Variants in CCDC192 observed in about 807,000 individuals in gnomAD.
CCDC192 encodes the protein coiled-coil domain containing 192.
intron 3 of CCDC192, among the ~76,000 whole-genome samples, chr5:127,782,710 G>T (rs1433335463): frequency 6.6e-6 from 1 of 151,820 alleles, no homozygotes; most frequent in Non-Finnish European, 1.5e-5. Flanking sequence ...TCTTTTCTTG[G>T]TTAATCTTGC....
chr5:127,934,967 C>G (rs1754147981), intron 6 of CCDC192, among the ~76,000 whole-genome samples: 1 of 152,166 alleles, frequency 6.6e-6, no homozygotes, highest in Non-Finnish European at 1.5e-5. Context: ...ATCCAAACAG[C>G]AATCCTGGGT....
chr5:127,809,634 A>G (rs888679068), intron 5 of CCDC192, among the ~76,000 whole-genome samples: 17 of 152,314 alleles, frequency 1.1e-4, no homozygotes, highest in Middle Eastern at 3.4e-3. Context: ...TAACATGTAA[A>G]TAGTTAATCT....
At chr5:127,734,698 T>A (rs1166186479) in intron 2 of CCDC192, among the ~76,000 whole-genome samples, 1 of 147,520 alleles carries the variant, frequency 6.8e-6, no homozygotes. Flanking sequence ...CATTTTTTCA[T>A]GTGTTTTTTG....
intron 5 of CCDC192, among the ~76,000 whole-genome samples, chr5:127,858,678 G>A (rs1468209349): frequency 6.6e-6 from 1 of 152,122 alleles, no homozygotes; most frequent in Non-Finnish European, 1.5e-5. Flanking sequence ...TTCATACATC[G>A]CTGCATGAGG....
At chr5:127,704,753 G>A (rs1170334497) in intron 1 of CCDC192, among the ~76,000 whole-genome samples, 15 of 151,940 alleles carry the variant, frequency 9.9e-5, no homozygotes, top group Admixed American at 9.8e-4. Flanking sequence ...CCAGAACAAA[G>A]CAGCTAAAGA....
intron 2 of CCDC192, among the ~76,000 whole-genome samples, chr5:127,723,917 A>G (rs759093111): frequency 6.6e-5 from 10 of 152,266 alleles, no homozygotes; most frequent in Non-Finnish European, 1.0e-4. Flanking sequence ...ATCAGATATC[A>G]GAGTCCATTG....
At position 127,782,997 on chromosome 5, in the gene CCDC192, GTTT is replaced by G. The variant is rs576250474; in HGVS notation, c.223-14092_223-14090del. On this transcript the variant is annotated intron_variant, in intron 3 of 6. Transcript: ENST00000514853. Reference sequence around the variant, plus strand: ...GCCTTTGCTGTATCTTAGAGGTGGGGTTTTTTTTTTTTTTTTAAGACGGAGTTT... The same window carrying G: ...GCCTTTGCTGTATCTTAGAGGTGGGGTTTTTTTTTTTTTAAGACGGAGTTT... Among the ~76,000 whole-genome samples the G allele has an allele frequency of 1.6e-3, 218 of 138,798 alleles. 1 individual carries two copies. The highest frequency in any genetic ancestry group is 5.5e-3 in the African/African-American group (210 of 37,938). The allele number at this position is 138,798 out of a possible 152,430, so 91.1% of individuals were successfully genotyped here. A position where few individuals can be genotyped will look rare whatever the true frequency, so the allele number is the denominator to read the frequency against.
At chr5:127,713,997 C>T (rs1751480516) in intron 2 of CCDC192, among the ~76,000 whole-genome samples, 1 of 152,158 alleles carries the variant, frequency 6.6e-6, no homozygotes, top group Non-Finnish European at 1.5e-5. Context: ...CCACCATCTC[C>T]CTAATCTTCT....
intron 2 of CCDC192, among the ~76,000 whole-genome samples, chr5:127,734,724 T>A (rs1752867040): frequency 6.7e-6 from 1 of 149,472 alleles, no homozygotes; most frequent in Non-Finnish European, 1.5e-5. Context: ...ATAAATGTCT[T>A]CTTTTGAGAA....
intron 3 of CCDC192, among the ~76,000 whole-genome samples, chr5:127,787,212 A>G (rs559421348): frequency 1.1e-4 from 17 of 152,202 alleles, no homozygotes; most frequent in Non-Finnish European, 2.2e-4. Flanking sequence ...TCACATCTCC[A>G]TGGTACCCAA....
At chr5:127,925,995 G>T (rs921104781) in intron 6 of CCDC192, among the ~76,000 whole-genome samples, 2 of 152,172 alleles carry the variant, frequency 1.3e-5, no homozygotes, top group African/African-American at 4.8e-5. Context: ...GATTCACAGA[G>T]ACTCCAGTTC....
At chr5:127,756,711 G>A (rs1754621143) in intron 3 of CCDC192, among the ~76,000 whole-genome samples, 1 of 152,232 alleles carries the variant, frequency 6.6e-6, no homozygotes, top group Admixed American at 6.5e-5. Context: ...GGGCAGATTG[G>A]ACCCCAGGCA....
intron 3 of CCDC192, among the ~76,000 whole-genome samples, chr5:127,761,002 C>T (rs1271857853): frequency 2.0e-5 from 3 of 152,108 alleles, no homozygotes; most frequent in African/African-American, 4.8e-5. Context: ...CAAGAGGAGG[C>T]AAAAACGCAA....
chr5:127,771,090 A>G (rs1351978984), intron 3 of CCDC192, among the ~76,000 whole-genome samples: 1 of 152,196 alleles, frequency 6.6e-6, no homozygotes, highest in Non-Finnish European at 1.5e-5. Context: ...TATATGATCT[A>G]ATAGAGTCTT....
intron 5 of CCDC192, among the ~76,000 whole-genome samples, chr5:127,838,025 T>A (rs1038780502): frequency 2.6e-5 from 4 of 152,160 alleles, no homozygotes; most frequent in African/African-American, 9.7e-5. Flanking sequence ...CCAGATTCCA[T>A]AACATAGATT....
chr5:127,762,472 A>G (rs1167962639), intron 3 of CCDC192, among the ~76,000 whole-genome samples: 1 of 152,248 alleles, frequency 6.6e-6, no homozygotes, highest in Non-Finnish European at 1.5e-5. Flanking sequence ...ATAAATTGGT[A>G]GCCTCAGAGA....
intron 6 of CCDC192, among the ~76,000 whole-genome samples, chr5:127,895,843 A>G (rs1455752994): frequency 6.6e-6 from 1 of 152,180 alleles, no homozygotes; most frequent in Non-Finnish European, 1.5e-5. Context: ...TGTCTCAAAA[A>G]AAAAAAAAAG....
intron 2 of CCDC192, among the ~76,000 whole-genome samples, chr5:127,740,888 A>G (rs986644817): frequency 1.3e-5 from 2 of 152,218 alleles, no homozygotes; most frequent in Admixed American, 6.5e-5. Context: ...GTTGGTCAAC[A>G]TGCCAAAGTA....
At chr5:127,883,106 G>A (rs111779793) in intron 6 of CCDC192, among the ~76,000 whole-genome samples, 2 of 152,210 alleles carry the variant, frequency 1.3e-5, no homozygotes, top group Non-Finnish European at 2.9e-5. Context: ...TTGATATGTA[G>A]TCAAAAGCAC....
Sources: gnomAD v4.1 joint callset for allele counts (sites outside exome capture counted in the v4.1 genomes callset) on GRCh38, gnomAD v4.1.1 for gene constraint, MANE v1.5 for transcripts, NCBI Gene and HGNC (gene_info 2026-07-23, HGNC 2026-07-21) for gene names.